Variants in KALRN observed in about 807,000 individuals in gnomAD.
KALRN encodes kalirin.
Under a neutral mutation model 353.7 loss-of-function variants are expected in KALRN, and 70 were observed. That is an observed-to-expected ratio of 0.20 (90% CI 0.16 to 0.24). The LOEUF is 0.24. Among genes scored for constraint, KALRN ranks in the 10% least tolerant of loss-of-function variants. The pLI, the probability that KALRN is intolerant of heterozygous loss-of-function variation, is 1.00. For missense variants in KALRN, 2,791 were observed against 3,756.7 expected (o/e 0.74, Z 6.72); for synonymous variants, 1,391 against 1,434.8 (o/e 0.97, Z 0.69).
At chr3:124,308,922 C>A (rs2077972922) in intron 6 of KALRN, among the ~76,000 whole-genome samples, 1 of 151,572 alleles carries the variant, frequency 6.6e-6, no homozygotes. Context: ...TTACCTAGAA[C>A]AACCAATGAA....
In KALRN at chr3:124,697,712, T is replaced by G; in HGVS notation, c.7819T>G (p.Tyr2607Asp). Residue 2607 changes from tyrosine (Y) to aspartate (D), a missense_variant, in exon 55 of 60, where the codon TAC becomes GAC. Coordinates refer to ENST00000682506, the MANE Select transcript of KALRN (RefSeq NM_001388419.1). ...CACTATTTCTGGTTACACTGTGGAG[T>G]ACAGAGAGGAAGGTGCACTATCTCC... ...NCTISGYTVE[Y>D]REEGSQIWQQ... The G allele has an allele frequency of 6.3e-7, 1 of 1,579,434 alleles. No individual in the cohort carries two copies. The highest frequency in any genetic ancestry group is 8.6e-7 in the Non-Finnish European group (1 of 1,163,522).
In KALRN at chr3:124,477,228, A is replaced by G. The variant is rs1418193195; in HGVS notation, c.4102-17A>G. ...AACTAATGAATGCTTATCTATTATTATCTTTGTTCTTTTTAGGCAGACAAA... is the reference window on the plus strand; with the variant it reads ...AACTAATGAATGCTTATCTATTATTGTCTTTGTTCTTTTTAGGCAGACAAA... On this transcript the variant is annotated splice_polypyrimidine_tract_variant and intron_variant, in intron 26 of 59. Transcript: ENST00000682506. 2 of 1,566,028 alleles carry G rather than the reference A, an allele frequency of 1.3e-6. No individual in the cohort carries two copies. The highest frequency in any genetic ancestry group is 1.1e-5 in the South Asian group (1 of 89,890).
chr3:124,541,860 C>G (rs150542200), intron 33 of KALRN, among the ~76,000 whole-genome samples: 1 of 152,148 alleles, frequency 6.6e-6, no homozygotes, highest in Non-Finnish European at 1.5e-5. Flanking sequence ...CCACTGCACT[C>G]TAGCCCAGGT....
intron 33 of KALRN, among the ~76,000 whole-genome samples, chr3:124,535,179 GTT>G (rs200899149): frequency 9.0e-4 from 133 of 147,558 alleles, no homozygotes; most frequent in African/African-American, 3.2e-3. Flanking sequence ...CTATAAAGAA[GTT>G]TTTTTTTTTA....
intron 1 of KALRN, among the ~76,000 whole-genome samples, chr3:124,144,560 C>A (rs1023669083): frequency 6.6e-6 from 1 of 151,742 alleles, no homozygotes; most frequent in African/African-American, 2.4e-5. Context: ...CATCATCCTC[C>A]TCCTCCTATT....
chr3:124,511,075 C>T (rs2065850333), intron 33 of KALRN, among the ~76,000 whole-genome samples: 1 of 152,030 alleles, frequency 6.6e-6, no homozygotes, highest in East Asian at 1.9e-4. Context: ...TTAATCCATG[C>T]CCTTCCCCTC....
rs759119976 is a variant in KALRN, at chr3:124,718,878, G to A, written c.8416-47G>A. ...AGGTATTTTGAGTAGTCAAAATAGAGGCCTAAACTTCCCTTCTTTTCTCCC... is the reference window on the plus strand; with the variant it reads ...AGGTATTTTGAGTAGTCAAAATAGAAGCCTAAACTTCCCTTCTTTTCTCCC... On this transcript the variant is annotated intron_variant, in intron 59 of 59. Transcript: ENST00000682506. 13 of 1,552,506 alleles carry A rather than the reference G, an allele frequency of 8.4e-6. No homozygotes were observed. In the African/African-American group the frequency reaches 1.4e-4, roughly 16 times the overall value.
At chr3:124,087,081 A>G (rs1464030040) in intron 1 of KALRN, among the ~76,000 whole-genome samples, 1 of 152,258 alleles carries the variant, frequency 6.6e-6, no homozygotes, top group Non-Finnish European at 1.5e-5. Context: ...ATGCTCTAAA[A>G]GAATATTGAA....
intron 48 of KALRN, among the ~76,000 whole-genome samples, chr3:124,672,196 C>T (rs1436555162): frequency 6.6e-6 from 1 of 152,220 alleles, no homozygotes; most frequent in East Asian, 1.9e-4. Context: ...GATATGGCCA[C>T]TTCAGCCTCC....
At chr3:124,198,515 A>G (rs898125277) in intron 1 of KALRN, among the ~76,000 whole-genome samples, 19 of 152,234 alleles carry the variant, frequency 1.2e-4, no homozygotes, top group Non-Finnish European at 4.4e-5. Context: ...CACTGTTGCA[A>G]ATGCTTCCCT....
At chr3:124,123,028 C>T (rs756748559) in intron 1 of KALRN, among the ~76,000 whole-genome samples, 5 of 152,024 alleles carry the variant, frequency 3.3e-5, no homozygotes, top group Non-Finnish European at 7.4e-5. Context: ...TGATGAAACC[C>T]AGTCTCTACA....
intron 32 of KALRN, among the ~76,000 whole-genome samples, chr3:124,495,990 T>C (rs867944953): frequency 0.066 from 3,834 of 58,498 alleles, 766 homozygotes; most frequent in African/African-American, 0.19. Context: ...TATATATATA[T>C]ATATATATAT....
chr3:124,199,476 T>C (rs554950156), intron 1 of KALRN, among the ~76,000 whole-genome samples: 2 of 152,354 alleles, frequency 1.3e-5, no homozygotes, highest in African/African-American at 4.8e-5. Context: ...TAGTTTCCTT[T>C]TATACTCTGG....
intron 34 of KALRN, among the ~76,000 whole-genome samples, chr3:124,610,350 G>A (rs980083494): frequency 5.3e-5 from 8 of 152,206 alleles, no homozygotes; most frequent in African/African-American, 1.9e-4. Context: ...AAACACTGAA[G>A]TTGCATGCAG....
chr3:124,420,602 A>G (rs994007304), intron 14 of KALRN, among the ~76,000 whole-genome samples: 1 of 152,212 alleles, frequency 6.6e-6, no homozygotes, highest in African/African-American at 2.4e-5. Context: ...GGCTGCCAAA[A>G]GAACAAGCCG....
chr3:124,598,631 C>G (rs754990855), intron 34 of KALRN, among the ~76,000 whole-genome samples: 1 of 151,298 alleles, frequency 6.6e-6, no homozygotes, highest in Non-Finnish European at 1.5e-5. Context: ...CATTCACACA[C>G]GTTTTGTTTG....
intron 34 of KALRN, among the ~76,000 whole-genome samples, chr3:124,567,221 T>A (rs896290327): frequency 5.3e-5 from 8 of 151,924 alleles, no homozygotes; most frequent in African/African-American, 1.9e-4. Flanking sequence ...GCAGTCAGGG[T>A]TGAGAACCAC....
intron 57 of KALRN, among the ~76,000 whole-genome samples, chr3:124,705,167 A>G (rs994148166): frequency 2.0e-5 from 3 of 152,196 alleles, no homozygotes; most frequent in East Asian, 1.9e-4. Flanking sequence ...GCCTATACCC[A>G]TTGCTATATA....
In KALRN at chr3:124,318,400, T is replaced by C. The variant is rs546200671; in HGVS notation, c.1093-7580T>C. 3.3e-5 allele frequency among the ~76,000 whole-genome samples: 5 copies of C among 152,324 alleles called. No individual in the cohort carries two copies. The South Asian group carries it at 1.0e-3, about 32-fold the overall frequency. ...ATCACATCTCATAGCTATTGTAGTA[T>C]AGTTTCAAGCATGGACAGTTCTTAT... On this transcript the variant is annotated intron_variant, in intron 6 of 59. Coordinates refer to ENST00000682506, the MANE Select transcript of KALRN (RefSeq NM_001388419.1).
Sources: allele counts gnomAD v4.1 joint callset (sites outside exome capture counted in the v4.1 genomes callset), GRCh38; gene constraint gnomAD v4.1.1; transcripts MANE v1.5; gene names NCBI Gene and HGNC (gene_info 2026-07-23, HGNC 2026-07-21).